LRRC4C: variants seen among roughly 807,000 people sequenced by gnomAD.
LRRC4C encodes leucine rich repeat containing 4C.
A neutral mutation model predicts 33.6 loss-of-function variants in LRRC4C; 5 were observed. The observed-to-expected ratio is 0.15, with a 90% CI of 0.08 to 0.31. LRRC4C has a LOEUF of 0.31. Ranked by LOEUF, LRRC4C falls within the 10% of genes least tolerant of loss-of-function variation. The probability of loss-of-function intolerance (pLI) is 1.00; values close to 1 mark genes in which losing one functional copy is unlikely to be tolerated. For synonymous variants in LRRC4C, 329 were observed against 302.0 expected, an observed-to-expected ratio of 1.09 and a Z score of -0.93; for missense variants, 560 against 796.7, an observed-to-expected ratio of 0.70 and a Z score of 3.58.
At position 40,905,562 on chromosome 11, in the gene LRRC4C, C is replaced by T. The variant is rs1443800196; in HGVS notation, c.-407+28073G>A. Among the ~76,000 whole-genome samples the T allele has an allele frequency of 2.0e-5, 3 of 152,190 alleles. No individual in the cohort carries two copies. The East Asian group carries it at 5.8e-4, about 29-fold the overall frequency. On this transcript the variant is annotated intron_variant, in intron 2 of 6. Coordinates refer to ENST00000528697, the MANE Select transcript of LRRC4C (RefSeq NM_001258419.2). ...AGGCAGAAACTACACGTTCCATATG[C>T]TCTGCTTTCCACTGCTGCTAAAATA...
intron 5 of LRRC4C, among the ~76,000 whole-genome samples, chr11:40,229,636 C>T (rs1265690540): frequency 6.6e-6 from 1 of 152,110 alleles, no homozygotes; most frequent in Non-Finnish European, 1.5e-5. Flanking sequence ...TTACAAAACA[C>T]ATACAAATGA....
At chr11:41,423,589 G>C (rs142221654) in intron 1 of LRRC4C, among the ~76,000 whole-genome samples, 1 of 151,938 alleles carries the variant, frequency 6.6e-6, no homozygotes, top group Non-Finnish European at 1.5e-5. Context: ...CATCATAGAC[G>C]ACAGATGGTT....
chr11:41,442,448 T>C (rs1955652207), intron 1 of LRRC4C, among the ~76,000 whole-genome samples: 1 of 144,576 alleles, frequency 6.9e-6, no homozygotes, highest in African/African-American at 2.6e-5. Context: ...TCTCTCTTTG[T>C]TGCTTTTTTC....
chr11:41,041,587 G>T (rs1857443545), intron 1 of LRRC4C, among the ~76,000 whole-genome samples: 1 of 152,090 alleles, frequency 6.6e-6, no homozygotes, highest in Non-Finnish European at 1.5e-5. Context: ...GATTAGAGAA[G>T]TTACCATCAA....
intron 1 of LRRC4C, among the ~76,000 whole-genome samples, chr11:41,015,867 G>A (rs1051157166): frequency 6.6e-6 from 1 of 152,104 alleles, no homozygotes; most frequent in African/African-American, 2.4e-5. Flanking sequence ...CGGGCGTGGT[G>A]GCGGGAGCCT....
chr11:40,693,974 C>G (rs1382680981), intron 2 of LRRC4C, among the ~76,000 whole-genome samples: 1 of 152,050 alleles, frequency 6.6e-6, no homozygotes, highest in Non-Finnish European at 1.5e-5. Context: ...ATTTGCCCTG[C>G]GGGGTGTAAA....
intron 2 of LRRC4C, among the ~76,000 whole-genome samples, chr11:40,690,637 T>TA (rs1051538628): frequency 2.0e-5 from 3 of 152,070 alleles, no homozygotes; most frequent in African/African-American, 7.2e-5. Context: ...CTTTTCAGTT[T>TA]AAAAAACCTC....
At chr11:40,917,461 G>T (rs1407151295) in intron 2 of LRRC4C, among the ~76,000 whole-genome samples, 8 of 151,988 alleles carry the variant, frequency 5.3e-5, no homozygotes, top group African/African-American at 1.9e-4. Flanking sequence ...TGATGTAAAT[G>T]GCCTCTAAAG....
intron 1 of LRRC4C, among the ~76,000 whole-genome samples, chr11:40,942,775 A>G (rs1958214995): frequency 6.6e-6 from 1 of 152,182 alleles, no homozygotes; most frequent in Admixed American, 6.6e-5. Flanking sequence ...GGAGCATTCC[A>G]AGAGGTAAAG....
At chr11:40,656,065 G>A (rs927119378) in intron 2 of LRRC4C, among the ~76,000 whole-genome samples, 1 of 152,070 alleles carries the variant, frequency 6.6e-6, no homozygotes, top group Non-Finnish European at 1.5e-5. Context: ...CCAACATTGG[G>A]AATTACAATT....
intron 1 of LRRC4C, among the ~76,000 whole-genome samples, chr11:41,247,256 T>C (rs1419021983): frequency 6.6e-6 from 1 of 152,216 alleles, no homozygotes; most frequent in East Asian, 1.9e-4. Flanking sequence ...GGCTTTAATG[T>C]CCTCCTCCTT....
intron 1 of LRRC4C, among the ~76,000 whole-genome samples, chr11:41,415,554 A>G (rs1329474165): frequency 2.6e-5 from 4 of 152,098 alleles, no homozygotes; most frequent in Admixed American, 6.6e-5. Context: ...AACTGCTTGG[A>G]TTAGATCCAT....
chr11:40,956,498 G>C (rs1464335145), intron 1 of LRRC4C, among the ~76,000 whole-genome samples: 1 of 151,712 alleles, frequency 6.6e-6, no homozygotes, highest in African/African-American at 2.4e-5. Context: ...CTTGGAAGAG[G>C]TGATCAGTAA....
rs563219311 is a variant in LRRC4C at position 40,987,552 on chromosome 11, T to C, written c.-495-53829A>G. Among the ~76,000 whole-genome samples the C allele has an allele frequency of 4.7e-5, 7 of 150,280 alleles. No individual in the cohort carries two copies. The East Asian group carries it at 1.2e-3, about 25-fold the overall frequency. ...AGGGGTTTCCAAATTGAATCTAGTA[T>C]CGGAGCATGGAACTATAACATTGCT... On this transcript the variant is annotated intron_variant, in intron 1 of 6. Coordinates refer to ENST00000528697, the MANE Select transcript of LRRC4C (RefSeq NM_001258419.2).
chr11:40,334,082 G>C (rs1946487501), intron 3 of LRRC4C, among the ~76,000 whole-genome samples: 1 of 152,086 alleles, frequency 6.6e-6, no homozygotes, highest in Admixed American at 6.6e-5. Flanking sequence ...GGAGTCCTTG[G>C]TGCTCAAGAT....
chr11:40,777,638 G>A (rs1950058805), intron 2 of LRRC4C, among the ~76,000 whole-genome samples: 1 of 151,320 alleles, frequency 6.6e-6, no homozygotes, highest in African/African-American at 2.4e-5. Flanking sequence ...GTCACTACAT[G>A]TGAGATGGGT....
chr11:40,142,613 C>T lies in LRRC4C; in HGVS notation c.-95-1760G>A, dbSNP rs1185296207. 3.3e-5 allele frequency among the ~76,000 whole-genome samples: 5 copies of T among 152,170 alleles called. 1 individual carries two copies. The highest frequency in any genetic ancestry group is 1.2e-4 in the African/African-American group (5 of 41,442). The stretch of plus-strand genomic sequence containing the variant: ...TGCACTTGGCTCCTACAAAACGACT[C>T]CCTTGCTTCTCCTCTTGCCTCAGTG... On this transcript the variant is annotated intron_variant, in intron 5 of 6. Transcript: ENST00000528697.
chr11:41,148,030 T>G (rs1943808215), intron 1 of LRRC4C, among the ~76,000 whole-genome samples: 1 of 152,076 alleles, frequency 6.6e-6, no homozygotes, highest in Non-Finnish European at 1.5e-5. Context: ...TTTTTTTTCT[T>G]TTTTTTGAGA....
intron 1 of LRRC4C, among the ~76,000 whole-genome samples, chr11:41,035,432 C>T (rs1022704477): frequency 6.6e-6 from 1 of 152,016 alleles, no homozygotes; most frequent in Non-Finnish European, 1.5e-5. Flanking sequence ...TCTCTGTGAC[C>T]ATGTGTTCTC....
Sources: gnomAD v4.1 joint callset for allele counts (sites outside exome capture counted in the v4.1 genomes callset) on GRCh38, gnomAD v4.1.1 for gene constraint, MANE v1.5 for transcripts, NCBI Gene and HGNC (gene_info 2026-07-23, HGNC 2026-07-21) for gene names.